The following STON2 variants were observed in gnomAD, a reference collection of about 807,000 sequenced individuals.
STON2 encodes stonin 2, also known as stonin-2.
In STON2, 29 loss-of-function variants were observed where a neutral mutation model predicts 65.7. The observed-to-expected ratio is 0.44, with a 90% CI of 0.33 to 0.60. The LOEUF (loss-of-function observed/expected upper bound fraction) is 0.60, where lower values mean the gene tolerates loss of function less well. Ranked by LOEUF, STON2 falls within the 20% of genes least tolerant of loss-of-function variation. The probability of loss-of-function intolerance (pLI) is 0.03; values close to 1 mark genes in which losing one functional copy is unlikely to be tolerated. For synonymous variants in STON2, 404 were observed against 414.2 expected, an observed-to-expected ratio of 0.98 and a Z score of 0.30; for missense variants, 1,054 against 1,118.1, an observed-to-expected ratio of 0.94 and a Z score of 0.82.
At chr14:81,289,036 C>A (rs1566891264) in intron 5 of STON2, among the ~76,000 whole-genome samples, 1 of 150,252 alleles carries the variant, frequency 6.7e-6, no homozygotes, top group Non-Finnish European at 1.5e-5. Flanking sequence ...ACCTCCACAT[C>A]CTCACTATTC....
At chr14:81,298,295 C>A (rs1188671697) in intron 5 of STON2, among the ~76,000 whole-genome samples, 1 of 151,960 alleles carries the variant, frequency 6.6e-6, no homozygotes, top group East Asian at 1.9e-4. Flanking sequence ...CAAAGCACAG[C>A]AGCTGGAAAT....
intron 4 of STON2, among the ~76,000 whole-genome samples, chr14:81,365,607 T>A (rs1898686278): frequency 1.3e-5 from 2 of 151,870 alleles, no homozygotes; most frequent in Admixed American, 1.3e-4. Context: ...AATACAAAAA[T>A]TAGCCAGACA....
Position 81,263,533 on chromosome 14 carries a change from G to A in STON2, c.*4881C>T, listed in dbSNP as rs374777844. The A allele has an allele frequency of 2.3e-3, 222 of 95,792 alleles. 1 individual carries two copies. The highest frequency in any genetic ancestry group is 2.2e-3 in the Non-Finnish European group (133 of 59,480). 5.9% of individuals were successfully genotyped at this position (95,792 alleles called of 1,614,324 possible). A position where few individuals can be genotyped will look rare whatever the true frequency, so the allele number is the denominator to read the frequency against. On this transcript the variant is annotated 3_prime_UTR_variant, in exon 8 of 8. Coordinates refer to ENST00000614646, the MANE Select transcript of STON2 (RefSeq NM_001394390.1). ...AGCCTGGGTGACAGACTGAGACTCC[G>A]TCTCAAAAAAAAAAAAAAAAAAAAA...
Position 81,260,798 on chromosome 14 carries a change from A to C in STON2, c.*7616T>G, listed in dbSNP as rs1381571845. 3 of 152,182 alleles carry C rather than the reference A, an allele frequency of 2.0e-5. No individual in the cohort carries two copies. The highest frequency in any genetic ancestry group is 4.4e-5 in the Non-Finnish European group (3 of 68,046). 9.4% of individuals were successfully genotyped at this position (152,182 alleles called of 1,614,324 possible). A position where few individuals can be genotyped will look rare whatever the true frequency, so the allele number is the denominator to read the frequency against. On this transcript the variant is annotated 3_prime_UTR_variant, in exon 8 of 8. Coordinates refer to ENST00000614646, the MANE Select transcript of STON2 (RefSeq NM_001394390.1). ...CATAGGCACATATTAAAAAAAAAAA[A>C]ACATAAACTGGTTTTACATAAAATT...
At position 81,277,032 on chromosome 14, in the gene STON2, C is replaced by G; in HGVS notation, c.2450G>C (p.Gly817Ala). The change falls in exon 6 of 8, where the codon GGG becomes GCG. Residue 817 changes from glycine to alanine, a missense_variant. By Grantham distance (60) the Gly-to-Ala change is moderately conservative. Coordinates refer to ENST00000614646, the MANE Select transcript of STON2 (RefSeq NM_001394390.1). ...EKSLKAKVNR[G>A]ASFGSTSVSG... ...AACACTAGTGGAGCCAAAACTTGCCCCCCGGTTCACTTTGGCTTTCAAAGA... is the reference window on the plus strand; with the variant it reads ...AACACTAGTGGAGCCAAAACTTGCCGCCCGGTTCACTTTGGCTTTCAAAGA... 1 of 1,614,218 alleles carries G rather than the reference C, an allele frequency of 6.2e-7. No homozygotes were observed. The highest frequency in any genetic ancestry group is 8.5e-7 in the Non-Finnish European group (1 of 1,180,044).
intron 3 of STON2, among the ~76,000 whole-genome samples, chr14:81,385,325 A>G (rs1899742752): frequency 6.6e-6 from 1 of 152,232 alleles, no homozygotes; most frequent in South Asian, 2.1e-4. Flanking sequence ...CCTCCGTGGC[A>G]TGATGACACT....
At chr14:81,344,397 A>G (rs1488753514) in intron 4 of STON2, among the ~76,000 whole-genome samples, 1 of 152,214 alleles carries the variant, frequency 6.6e-6, no homozygotes, top group Non-Finnish European at 1.5e-5. Flanking sequence ...ATAAACACAC[A>G]CACTAATATA....
chr14:81,261,825 G>C lies in STON2; in HGVS notation c.*6589C>G. 1 of 1,532,620 alleles carries C rather than the reference G, an allele frequency of 6.5e-7. No individual in the cohort carries two copies. The highest frequency in any genetic ancestry group is 2.4e-5 in the East Asian group (1 of 40,822). The allele number at this position is 1,532,620 out of a possible 1,614,324, so 94.9% of individuals were successfully genotyped here. A position where few individuals can be genotyped will look rare whatever the true frequency, so the allele number is the denominator to read the frequency against. On this transcript the variant is annotated 3_prime_UTR_variant, in exon 8 of 8. Coordinates refer to ENST00000614646, the MANE Select transcript of STON2 (RefSeq NM_001394390.1). Reference sequence around the variant, plus strand: ...AGATGATGCCAGTGGAACTTCCAAAGAAGCATTCCACCTGATCTTCACCAC... The same window carrying C: ...AGATGATGCCAGTGGAACTTCCAAACAAGCATTCCACCTGATCTTCACCAC...
Position 81,395,877 on chromosome 14 carries a change from C to A in STON2, c.373+17G>T. On this transcript the variant is annotated intron_variant, in intron 3 of 7. Coordinates refer to ENST00000614646, the MANE Select transcript of STON2 (RefSeq NM_001394390.1). ...TGCTGACCACAAACCCAAGCCGGGCCCTTCCTACCTCCTCACCTGTCTCAG... is the reference window on the plus strand; with the variant it reads ...TGCTGACCACAAACCCAAGCCGGGCACTTCCTACCTCCTCACCTGTCTCAG... The A allele has an allele frequency of 6.2e-7, 1 of 1,613,364 alleles. No homozygotes were observed. The highest frequency in any genetic ancestry group is 8.5e-7 in the Non-Finnish European group (1 of 1,179,514).
chr14:81,375,434 A>G (rs1333182432), intron 3 of STON2, among the ~76,000 whole-genome samples: 1 of 152,222 alleles, frequency 6.6e-6, no homozygotes, highest in East Asian at 1.9e-4. Context: ...ATATAGTTAT[A>G]GATTATGGAT....
At chr14:81,397,347 A>G (rs1900376981) in intron 2 of STON2, among the ~76,000 whole-genome samples, 1 of 152,220 alleles carries the variant, frequency 6.6e-6, no homozygotes, top group Non-Finnish European at 1.5e-5. Flanking sequence ...ACAACAGGAG[A>G]AAGTATTTTA....
chr14:81,370,524 G>C (rs1898935862), intron 4 of STON2, among the ~76,000 whole-genome samples: 1 of 152,200 alleles, frequency 6.6e-6, no homozygotes, highest in Non-Finnish European at 1.5e-5. Flanking sequence ...CAAATGATTT[G>C]TAGTCTGGAC....
At chr14:81,364,303 A>C (rs2140347832) in intron 4 of STON2, among the ~76,000 whole-genome samples, 1 of 152,318 alleles carries the variant, frequency 6.6e-6, no homozygotes, top group Non-Finnish European at 1.5e-5. Flanking sequence ...GTCTGGCAAA[A>C]TATAGTTTTG....
Position 81,291,836 on chromosome 14 carries a change from T to A in STON2, c.743-13097A>T, listed in dbSNP as rs1282267070. On this transcript the variant is annotated intron_variant, in intron 5 of 7. Coordinates refer to ENST00000614646, the MANE Select transcript of STON2 (RefSeq NM_001394390.1). ...GAGAAAATGCTTAGTATACTAGGCA[T>A]GTTTCAAATACTTAGCATGGGTACA... Among the ~76,000 whole-genome samples the A allele has an allele frequency of 2.0e-5, 3 of 149,836 alleles. No individual in the cohort carries two copies. In the East Asian group the frequency reaches 6.0e-4, roughly 30 times the overall value.
chr14:81,371,023 T>C lies in STON2; in HGVS notation c.536A>G (p.Gln179Arg), dbSNP rs757666613. 6 of 1,613,304 alleles carry C rather than the reference T, an allele frequency of 3.7e-6. No homozygotes were observed. The highest frequency in any genetic ancestry group is 1.1e-5 in the South Asian group (1 of 91,046). Residue 179 changes from glutamine (Q) to arginine (R), a missense_variant, in exon 4 of 8, where the codon CAG becomes CGG. Gln to Arg is a conservative substitution (Grantham distance 43). Coordinates refer to ENST00000614646, the MANE Select transcript of STON2 (RefSeq NM_001394390.1). ...AGCCCCAGAAGCCTGGCCACTCGTC[T>C]GCTCCTCAGCATTGATGAGCTGCAG... ...TDLQLINAEE[Q>R]TSGQASGADS...
At chr14:81,309,481 T>G (rs1225864443) in intron 5 of STON2, among the ~76,000 whole-genome samples, 3 of 152,212 alleles carry the variant, frequency 2.0e-5, no homozygotes, top group Non-Finnish European at 4.4e-5. Flanking sequence ...TACTTAGTTA[T>G]GATAATTTTT....
intron 5 of STON2, among the ~76,000 whole-genome samples, chr14:81,287,143 T>TA (rs1463122159): frequency 6.6e-6 from 1 of 152,130 alleles, no homozygotes; most frequent in African/African-American, 2.4e-5. Context: ...AGGGAGGAGT[T>TA]AGTCATATCA....
intron 3 of STON2, among the ~76,000 whole-genome samples, chr14:81,377,708 T>C (rs754738690): frequency 2.6e-5 from 4 of 152,232 alleles, no homozygotes; most frequent in Non-Finnish European, 5.9e-5. Flanking sequence ...TCAGTTATTC[T>C]AATAGATGTG....
chr14:81,261,613 G>T lies in STON2; in HGVS notation c.*6801C>A. 3.3e-6 allele frequency: 2 copies of T among 610,514 alleles called. No homozygotes were observed. The highest frequency in any genetic ancestry group is 1.9e-5 in the African/African-American group (1 of 52,906). The allele number at this position is 610,514 out of a possible 1,614,324, so 37.8% of individuals were successfully genotyped here. A position where few individuals can be genotyped will look rare whatever the true frequency, so the allele number is the denominator to read the frequency against. On this transcript the variant is annotated 3_prime_UTR_variant, in exon 8 of 8. Transcript: ENST00000614646. ...TACAAATAGTCCCAGGATGTTTACT[G>T]AGTGTCCTCCTTCAATTTTCACAAT...
Sources: allele counts gnomAD v4.1 joint callset (sites outside exome capture counted in the v4.1 genomes callset), GRCh38; gene constraint gnomAD v4.1.1; transcripts MANE v1.5; gene names NCBI Gene and HGNC (gene_info 2026-07-23, HGNC 2026-07-21).